Variants in PRICKLE2 observed in about 807,000 individuals in gnomAD.
The protein encoded by PRICKLE2 is prickle planar cell polarity protein 2.
In PRICKLE2, 21 loss-of-function variants were observed where a neutral mutation model predicts 81.4. That is an observed-to-expected ratio of 0.26 (90% confidence interval 0.18 to 0.37). PRICKLE2 has a LOEUF of 0.37. Among genes scored for constraint, PRICKLE2 ranks in the 10% least tolerant of loss-of-function variants. The probability of loss-of-function intolerance (pLI) is 1.00; values close to 1 mark genes in which losing one functional copy is unlikely to be tolerated. For synonymous variants in PRICKLE2, 456 were observed against 421.5 expected (o/e 1.08, Z -1.00); for missense variants, 940 against 1,109.0 (o/e 0.85, Z 2.16).
At chr3:64,129,034 C>A (rs940671316) in intron 7 of PRICKLE2, among the ~76,000 whole-genome samples, 1 of 152,076 alleles carries the variant, frequency 6.6e-6, no homozygotes, top group African/African-American at 2.4e-5. Context: ...CCCACCAGAT[C>A]ACAAGCCAGT....
chr3:64,261,591 CAGA>C (rs2079615684), intron 2 of PRICKLE2, among the ~76,000 whole-genome samples: 1 of 152,072 alleles, frequency 6.6e-6, no homozygotes, highest in Non-Finnish European at 1.5e-5. Context: ...GTTCTCTTGA[CAGA>C]AGGACATTTA....
rs2106927287 is a variant in PRICKLE2, at chr3:64,093,086, T to TA, written c.*5964_*5965insT. The TA allele has an allele frequency of 6.2e-6, 1 of 161,252 alleles. No homozygotes were observed. The highest frequency in any genetic ancestry group is 2.0e-4 in the South Asian group (1 of 5,116). The allele number at this position is 161,252 out of a possible 1,614,324, so 10.0% of individuals were successfully genotyped here. A position where few individuals can be genotyped will look rare whatever the true frequency, so the allele number is the denominator to read the frequency against. ...CTTCTACATTCTGTCTCTATGAATT[T>TA]GACTCTAGGTGCCTCAGATAAATGG... On this transcript the variant is annotated 3_prime_UTR_variant, in exon 8 of 8. Coordinates refer to ENST00000638394, the MANE Select transcript of PRICKLE2 (RefSeq NM_198859.4).
At chr3:64,150,786 G>T (rs1454743379) in intron 6 of PRICKLE2, among the ~76,000 whole-genome samples, 3 of 152,198 alleles carry the variant, frequency 2.0e-5, no homozygotes, top group African/African-American at 7.2e-5. Flanking sequence ...TAGTTCCTCG[G>T]GATGGGGGCC....
intron 7 of PRICKLE2, among the ~76,000 whole-genome samples, chr3:64,125,200 C>A (rs1330923964): frequency 6.6e-6 from 1 of 152,062 alleles, no homozygotes; most frequent in Admixed American, 6.5e-5. Context: ...ATCTCATGAT[C>A]GAACTTGAAT....
chr3:64,256,644 C>A (rs2079529201), intron 2 of PRICKLE2, among the ~76,000 whole-genome samples: 1 of 152,168 alleles, frequency 6.6e-6, no homozygotes, highest in African/African-American at 2.4e-5. Flanking sequence ...ACTATTTATT[C>A]ATTTTTGTGA....
At chr3:64,161,320 T>A (rs1328069965) in intron 3 of PRICKLE2, among the ~76,000 whole-genome samples, 1 of 152,208 alleles carries the variant, frequency 6.6e-6, no homozygotes, top group Non-Finnish European at 1.5e-5. Flanking sequence ...TAATCCCGTC[T>A]CCTGTTATAC....
chr3:64,244,915 C>G (rs1228133621), intron 2 of PRICKLE2, among the ~76,000 whole-genome samples: 1 of 152,054 alleles, frequency 6.6e-6, no homozygotes, highest in East Asian at 1.9e-4. Context: ...GAATATACCC[C>G]GAATATTTCA....
chr3:64,227,771 C>T (rs148895685), upstream of PRICKLE2, among the ~76,000 whole-genome samples: 1 of 152,278 alleles, frequency 6.6e-6, no homozygotes, highest in East Asian at 1.9e-4. Flanking sequence ...GAGCCTGTTA[C>T]ATAGCAAACA....
chr3:64,188,564 C>T (rs948059193), intron 2 of PRICKLE2, among the ~76,000 whole-genome samples: 18 of 152,148 alleles, frequency 1.2e-4, no homozygotes, highest in African/African-American at 3.9e-4. Context: ...TTGAAAACCA[C>T]GGGACGAGGC....
At chr3:64,174,550 CT>C (rs2077986812) in intron 2 of PRICKLE2, 1 of 154,618 alleles carries the variant, frequency 6.5e-6, no homozygotes, top group South Asian at 2.0e-4. Context: ...CAGAATTCGC[CT>C]TTGGCACAAT....
At chr3:64,119,018 C>T (rs759296948) in intron 7 of PRICKLE2, among the ~76,000 whole-genome samples, 6 of 152,154 alleles carry the variant, frequency 3.9e-5, no homozygotes. Context: ...GGTACATATA[C>T]ACCATAGAAT....
chr3:64,220,244 C>T (rs1333194320), intron 1 of PRICKLE2, among the ~76,000 whole-genome samples: 1 of 152,124 alleles, frequency 6.6e-6, no homozygotes, highest in Non-Finnish European at 1.5e-5. Flanking sequence ...GGCATCTTGC[C>T]CAGTTGAAAT....
intron 2 of PRICKLE2, among the ~76,000 whole-genome samples, chr3:64,266,048 G>GT (rs2079702161): frequency 6.6e-6 from 1 of 152,110 alleles, no homozygotes; most frequent in South Asian, 2.1e-4. Context: ...GAGATTGAGG[G>GT]TATCACTGAG....
At chr3:64,108,014 C>T (rs190433788) in intron 7 of PRICKLE2, among the ~76,000 whole-genome samples, 2 of 152,164 alleles carry the variant, frequency 1.3e-5, no homozygotes, top group South Asian at 4.1e-4. Context: ...CAGCGGTTTG[C>T]AAACTACAGT....
chr3:64,186,601 G>T (rs973073255), intron 2 of PRICKLE2, among the ~76,000 whole-genome samples: 2 of 152,198 alleles, frequency 1.3e-5, no homozygotes, highest in African/African-American at 4.8e-5. Context: ...GAAAGCTCCA[G>T]TTTTTGATTG....
At chr3:64,118,623 T>A (rs570844598) in intron 7 of PRICKLE2, among the ~76,000 whole-genome samples, 1 of 152,198 alleles carries the variant, frequency 6.6e-6, no homozygotes, top group East Asian at 1.9e-4. Context: ...ATTAGAGAAA[T>A]GCAACTCAAA....
chr3:64,128,918 A>T (rs1055579557), intron 7 of PRICKLE2, among the ~76,000 whole-genome samples: 5 of 149,894 alleles, frequency 3.3e-5, no homozygotes, highest in South Asian at 4.2e-4. Flanking sequence ...GGGATTTTTT[A>T]TTTTTTTTTT....
intron 7 of PRICKLE2, among the ~76,000 whole-genome samples, chr3:64,110,324 G>C (rs2076823018): frequency 6.6e-6 from 1 of 152,190 alleles, no homozygotes; most frequent in African/African-American, 2.4e-5. Context: ...GCTCCCAAGT[G>C]GTAGAGAGTG....
intron 2 of PRICKLE2, among the ~76,000 whole-genome samples, chr3:64,183,212 A>G (rs559020171): frequency 3.3e-4 from 50 of 152,312 alleles, no homozygotes; most frequent in Admixed American, 5.2e-4. Flanking sequence ...ATTAGGCAAG[A>G]TATAAAGGGA....
Sources: gnomAD v4.1 joint callset for allele counts (sites outside exome capture counted in the v4.1 genomes callset) on GRCh38, gnomAD v4.1.1 for gene constraint, MANE v1.5 for transcripts, NCBI Gene and HGNC (gene_info 2026-07-23, HGNC 2026-07-21) for gene names.